SGIP1: variants seen among roughly 807,000 people sequenced by gnomAD.
SGIP1 encodes SH3-containing GRB2-like protein 3-interacting protein 1.
A neutral mutation model predicts 107.5 loss-of-function variants in SGIP1; 38 were observed. That is an observed-to-expected ratio of 0.35 (90% CI 0.27 to 0.46). The LOEUF is 0.46. Ranked by LOEUF, SGIP1 falls within the 20% of genes least tolerant of loss-of-function variation. The probability of loss-of-function intolerance (pLI) is 1.00; values close to 1 mark genes in which losing one functional copy is unlikely to be tolerated. For missense variants in SGIP1, 929 were observed against 1,019.5 expected, an observed-to-expected ratio of 0.91 and a Z score of 1.21; for synonymous variants, 365 against 366.1, an observed-to-expected ratio of 1.00 and a Z score of 0.03.
chr1:66,742,948 G>T, intron 24 of SGIP1, 125 bp from the exon 25 acceptor site: 2 of 889,444 alleles, frequency 2.2e-6, no homozygotes, highest in Non-Finnish European at 3.5e-6. Flanking sequence ...TATTCGTATT[G>T]TACCTCTGAA....
At chr1:66,642,724 T>C (rs1316866021) in intron 5 of SGIP1, 86 bp from the exon 6 acceptor site, 1 of 1,158,656 alleles carries the variant, frequency 8.6e-7, no homozygotes, top group Middle Eastern at 2.0e-4. Context: ...CTTTTCTATA[T>C]CCTTAAATAG....
At chr1:66,673,194 AG>A (rs35377023) in intron 11 of SGIP1, 86 bp from the exon 12 acceptor site, 224,755 of 1,393,336 alleles carry the variant, frequency 0.16, 24,689 homozygotes, top group East Asian at 0.5. Context: ...TGTTTCACTA[AG>A]AAAAATATGT....
chr1:66,590,861 AG>A (rs1307075734), intron 1 of SGIP1, among the ~76,000 whole-genome samples: 3 of 152,184 alleles, frequency 2.0e-5, no homozygotes, highest in African/African-American at 7.2e-5. Flanking sequence ...CTAGAGTTAC[AG>A]GCCTGATCCA....
chr1:66,685,797 A>G (rs1275248446), intron 15 of SGIP1, among the ~76,000 whole-genome samples: 7 of 152,242 alleles, frequency 4.6e-5, no homozygotes, highest in African/African-American at 1.7e-4. Context: ...TCAAGTGCTC[A>G]GTGGCTATAT....
At position 66,671,998 on chromosome 1, in the gene SGIP1, G is replaced by A. The variant is rs374306922; in HGVS notation, c.560+3G>A. ...ACACCAACTCCAGAACTTATAAGGT[G>A]AGTGTGAAAGACATTAGTTGTGTTT... On this transcript the variant is annotated splice_donor_region_variant and intron_variant, in intron 11 of 24. Transcript: ENST00000371037. 31 of 1,613,788 alleles carry A rather than the reference G, an allele frequency of 1.9e-5. No homozygotes were observed. The highest frequency in any genetic ancestry group is 1.1e-4 in the African/African-American group (8 of 75,040).
At chr1:66,638,718 C>T (rs775096621) in intron 4 of SGIP1, among the ~76,000 whole-genome samples, 2 of 152,136 alleles carry the variant, frequency 1.3e-5, no homozygotes, top group Non-Finnish European at 2.9e-5. Context: ...TCTAGTGATC[C>T]TATGTGCACA....
At chr1:66,707,920 T>C (rs2092637916) in intron 18 of SGIP1, among the ~76,000 whole-genome samples, 1 of 152,210 alleles carries the variant, frequency 6.6e-6, no homozygotes, top group South Asian at 2.1e-4. Context: ...GCTATATGTA[T>C]ATTTGTGTGC....
intron 19 of SGIP1, among the ~76,000 whole-genome samples, chr1:66,722,622 T>C (rs1244946061): frequency 6.6e-6 from 1 of 152,164 alleles, no homozygotes; most frequent in Non-Finnish European, 1.5e-5. Context: ...ATATGGAAAA[T>C]AGGACTTGTG....
intron 15 of SGIP1, among the ~76,000 whole-genome samples, chr1:66,686,090 T>G (rs756645934): frequency 3.3e-5 from 5 of 152,250 alleles, no homozygotes; most frequent in Non-Finnish European, 7.3e-5. Flanking sequence ...TAGCCTCATT[T>G]TGTGGATTAG....
intron 18 of SGIP1, among the ~76,000 whole-genome samples, chr1:66,704,028 C>T (rs1428766212): frequency 4.6e-5 from 7 of 151,962 alleles, no homozygotes; most frequent in Middle Eastern, 6.3e-3. Context: ...ATAATAATGG[C>T]AGCTCTTTCA....
At chr1:66,631,958 T>C (rs2074856815) in intron 2 of SGIP1, among the ~76,000 whole-genome samples, 1 of 152,332 alleles carries the variant, frequency 6.6e-6, no homozygotes, top group Admixed American at 6.5e-5. Flanking sequence ...TTACTGTGGC[T>C]ACCTTTTAGT....
At chr1:66,617,828 C>T (rs1373162329) in intron 1 of SGIP1, among the ~76,000 whole-genome samples, 2 of 151,840 alleles carry the variant, frequency 1.3e-5, no homozygotes, top group Non-Finnish European at 2.9e-5. Context: ...AAATATCTCT[C>T]CATTTTTTCA....
At chr1:66,681,834 C>A in intron 14 of SGIP1, 35 bp from the exon 15 acceptor site, 2 of 1,572,646 alleles carry the variant, frequency 1.3e-6, no homozygotes, top group South Asian at 1.2e-5. Flanking sequence ...AATAATAAGT[C>A]AATTAAAGTT....
rs1342889753 is a variant in SGIP1, at chr1:66,534,349, T to A, written c.-10T>A. 6.2e-7 allele frequency: 1 copy of A among 1,614,124 alleles called. No individual in the cohort carries two copies. The highest frequency in any genetic ancestry group is 8.5e-7 in the Non-Finnish European group (1 of 1,179,996). ...ACTCCTTGGAAATTAAGGAATGCAATTCTGCCACCATGATGGAAGGTAGGA... is the reference window on the plus strand; with the variant it reads ...ACTCCTTGGAAATTAAGGAATGCAAATCTGCCACCATGATGGAAGGTAGGA... On this transcript the variant is annotated 5_prime_UTR_variant, in exon 1 of 25. Coordinates refer to ENST00000371037, the MANE Select transcript of SGIP1 (RefSeq NM_032291.4).
chr1:66,727,532 C>A (rs1272253770), intron 19 of SGIP1, among the ~76,000 whole-genome samples: 1 of 152,196 alleles, frequency 6.6e-6, no homozygotes, highest in Non-Finnish European at 1.5e-5. Flanking sequence ...CTCCTGTGTA[C>A]TTACCAAGAG....
chr1:66,613,958 C>A (rs1021073345), intron 1 of SGIP1, among the ~76,000 whole-genome samples: 1 of 152,108 alleles, frequency 6.6e-6, no homozygotes. Flanking sequence ...GATAGTGATG[C>A]CAAATGCTCC....
chr1:66,576,925 C>T (rs2061147987), intron 1 of SGIP1, among the ~76,000 whole-genome samples: 1 of 152,164 alleles, frequency 6.6e-6, no homozygotes, highest in Non-Finnish European at 1.5e-5. Context: ...GCTGCCTGCT[C>T]AGGGTGGCAG....
At position 66,636,050 on chromosome 1, in the gene SGIP1, G is replaced by A. The variant is rs376006888; in HGVS notation, c.171+35G>A. ...CAGATTTTAGTTTAAAATTTCCAAA[G>A]GGTTATAAAAAACAGTGAGTAAAAT... is the stretch of plus-strand genomic sequence containing the variant. On this transcript the variant is annotated intron_variant, in intron 4 of 24. Transcript: ENST00000371037. 85 of 1,595,198 alleles carry A rather than the reference G, an allele frequency of 5.3e-5. 2 individuals are homozygous for A. In the South Asian group the frequency reaches 9.5e-4, roughly 18 times the overall value.
chr1:66,738,402 T>C (rs886575844), intron 21 of SGIP1, among the ~76,000 whole-genome samples: 4 of 152,204 alleles, frequency 2.6e-5, no homozygotes, highest in Non-Finnish European at 4.4e-5. Context: ...ACTCATCTGA[T>C]CCCTGCAATG....
Sources: allele counts gnomAD v4.1 joint callset (sites outside exome capture counted in the v4.1 genomes callset), GRCh38; gene constraint gnomAD v4.1.1; transcripts MANE v1.5; gene names NCBI Gene and HGNC (gene_info 2026-07-23, HGNC 2026-07-21).